NCOA3: variants seen among roughly 807,000 people sequenced by gnomAD.
The protein encoded by NCOA3 is nuclear receptor coactivator 3.
NCOA3 carries 51 observed loss-of-function variants against 158.8 expected under a neutral mutation model. The ratio of observed to expected loss-of-function variants is 0.32; its 90% CI spans 0.26 to 0.41. NCOA3 has a LOEUF of 0.41. Among genes scored for constraint, NCOA3 ranks in the 10% least tolerant of loss-of-function variants. The probability of loss-of-function intolerance (pLI) is 1.00; values close to 1 mark genes in which losing one functional copy is unlikely to be tolerated. For missense variants in NCOA3, 1,510 were observed against 1,746.6 expected (o/e 0.86, Z 2.41); for synonymous variants, 537 against 592.4 (o/e 0.91, Z 1.36).
chr20:47,634,080 T>G lies in NCOA3; in HGVS notation c.997T>G (p.Tyr333Asp). The G allele has an allele frequency of 1.2e-6, 2 of 1,614,138 alleles. No individual in the cohort carries two copies. Among genetic ancestry groups the G allele is most frequent in the Non-Finnish European group, 8.5e-7 (1 of 1,180,002 alleles). ...TAATGGCCATGCAGAAACCCCAGTATATCGATTCTCGTTGGCTGATGGAAC... is the reference window on the plus strand; with the variant it reads ...TAATGGCCATGCAGAAACCCCAGTAGATCGATTCTCGTTGGCTGATGGAAC... ...YLNGHAETPV[Y>D]RFSLADGTIV... The change falls in exon 10 of 23, where the codon TAT becomes GAT. Residue 333 changes from tyrosine to aspartate, a missense_variant. Physicochemically the swap from Tyr to Asp is radical, Grantham distance 160. This residue lies in a region of NCOA3 where 309 missense variants were observed against 427.1 expected (regional missense o/e 0.72). Transcript: ENST00000371998.
intron 1 of NCOA3, among the ~76,000 whole-genome samples, chr20:47,525,602 C>T (rs1342421176): frequency 1.8e-4 from 25 of 136,558 alleles, no homozygotes; most frequent in Admixed American, 9.7e-4. Context: ...GGCGGCTGGC[C>T]GGGCGGGGGG....
chr20:47,588,841 C>A (rs550325137), intron 2 of NCOA3, among the ~76,000 whole-genome samples: 5 of 152,188 alleles, frequency 3.3e-5, no homozygotes, highest in African/African-American at 1.2e-4. Context: ...AGAGATCTTT[C>A]CCATTCATTT....
intron 4 of NCOA3, 63 bp downstream of exon 4, chr20:47,624,146 C>CTG: frequency 6.8e-7 from 1 of 1,476,428 alleles, no homozygotes; most frequent in East Asian, 2.3e-5. Context: ...GCACCAGGGA[C>CTG]TGGTTTTGTG....
chr20:47,521,083 CAG>C (rs1047576669), intron 1 of NCOA3, among the ~76,000 whole-genome samples: 5 of 152,226 alleles, frequency 3.3e-5, no homozygotes, highest in African/African-American at 1.2e-4. Context: ...GGTGTGTGCA[CAG>C]AGTCGTCGCC....
chr20:47,616,408 G>C (rs1361017809), intron 2 of NCOA3, among the ~76,000 whole-genome samples: 4 of 151,758 alleles, frequency 2.6e-5, no homozygotes, highest in Non-Finnish European at 4.4e-5. Flanking sequence ...GGTCAGGCTG[G>C]TCTCGAACTC....
In NCOA3 at chr20:47,542,977, T is replaced by G. The variant is rs184174634; in HGVS notation, c.-98-40206T>G. On this transcript the variant is annotated intron_variant, in intron 1 of 22. Transcript: ENST00000371998. The stretch of plus-strand genomic sequence containing the variant: ...GACTCTGTTTCAAAACAAAGCAAAA[T>G]AAACCTCCCAAACTCCTTAGTATTT... Among the ~76,000 whole-genome samples the G allele has an allele frequency of 6.3e-3, 964 of 152,112 alleles. 6 individuals are homozygous for G. Among genetic ancestry groups the G allele is most frequent in the Admixed American group, 0.011 (166 of 15,250 alleles).
At position 47,626,993 on chromosome 20, in the gene NCOA3, C is replaced by T. The variant is rs1242532440; in HGVS notation, c.358-9C>T. ...CCATAACAGCCTGTATTAACATATC[C>T]TATTTTAGGCATTGGATGGTTTCCT... On this transcript the variant is annotated splice_polypyrimidine_tract_variant and intron_variant, in intron 5 of 22. Coordinates refer to ENST00000371998, the MANE Select transcript of NCOA3 (RefSeq NM_181659.3). The T allele has an allele frequency of 6.2e-6, 10 of 1,606,696 alleles. No homozygotes were observed. The highest frequency in any genetic ancestry group is 6.8e-6 in the Non-Finnish European group (8 of 1,176,208).
intron 1 of NCOA3, among the ~76,000 whole-genome samples, chr20:47,553,851 A>G (rs997958196): frequency 3.3e-5 from 5 of 152,150 alleles, no homozygotes; most frequent in East Asian, 1.9e-4. Flanking sequence ...TAGTGCCGCA[A>G]TAAACATATG....
chr20:47,573,230 C>G (rs969784884), intron 1 of NCOA3, among the ~76,000 whole-genome samples: 12 of 152,170 alleles, frequency 7.9e-5, no homozygotes, highest in Admixed American at 6.5e-4. Context: ...GAAACCCTGT[C>G]TCTACTACAA....
chr20:47,651,116 G>GCAGCAGCAGCAGCAGCAA lies in NCOA3; in HGVS notation c.3791_3792insGCAGCAGCAGCAACAGCA (p.Gln1271_Gln1276dup). On this transcript the variant is annotated inframe_insertion, in exon 20 of 23. Transcript: ENST00000371998. Reference sequence around the variant, plus strand: ...AACAGCAGCAGCAGCAGCAGCAGCAGCAGCAACAGCAACAGCAACAGCAAC... The same window carrying GCAGCAGCAGCAGCAGCAA: ...AACAGCAGCAGCAGCAGCAGCAGCAGCAGCAGCAGCAGCAGCAACAGCAACAGCAACAGCAACAGCAAC... 6.8e-7 allele frequency: 1 copy of GCAGCAGCAGCAGCAGCAA among 1,460,414 alleles called. No homozygotes were observed. Among genetic ancestry groups the GCAGCAGCAGCAGCAGCAA allele is most frequent in the African/African-American group, 1.5e-5 (1 of 66,510 alleles). 90.5% of individuals were successfully genotyped at this position (1,460,414 alleles called of 1,614,324 possible).
In NCOA3 at chr20:47,650,996, T is replaced by C. The variant is rs918765274; in HGVS notation, c.3666T>C (p.Asn1222=). 1.2e-6 allele frequency: 2 copies of C among 1,613,822 alleles called. No homozygotes were observed. Among genetic ancestry groups the C allele is most frequent in the East Asian group, 2.2e-5 (1 of 44,882 alleles). ...PQVSSQQGFL[N]AQMVAQRSRE... ...TTGGGTATTAGCAGGGTTTTCTTAATGCTCAAATGGTCGCCCAACGCAGCA... is the reference window on the plus strand; with the variant it reads ...TTGGGTATTAGCAGGGTTTTCTTAACGCTCAAATGGTCGCCCAACGCAGCA... The change falls in exon 20 of 23, where the codon AAT becomes AAC. Residue 1222 remains asparagine, a synonymous_variant. Transcript: ENST00000371998.
At chr20:47,541,816 TTC>T (rs2084742923) in intron 1 of NCOA3, among the ~76,000 whole-genome samples, 1 of 151,972 alleles carries the variant, frequency 6.6e-6, no homozygotes. Flanking sequence ...CTGCATTAAT[TTC>T]TTAGTAGCAT....
chr20:47,514,417 G>C (rs564442475), intron 1 of NCOA3, among the ~76,000 whole-genome samples: 119 of 151,366 alleles, frequency 7.9e-4, no homozygotes, highest in Non-Finnish European at 1.3e-3. Flanking sequence ...TTTTTGAGAC[G>C]GTCTCTGTTG....
At chr20:47,621,393 C>T (rs6066416) in intron 2 of NCOA3, among the ~76,000 whole-genome samples, 11,072 of 151,856 alleles carry the variant, frequency 0.073, 470 homozygotes, top group Non-Finnish European at 0.097. Flanking sequence ...CTCCAGCATA[C>T]GTCTCAGAGT....
At chr20:47,632,828 G>A (rs953699005) in intron 8 of NCOA3, among the ~76,000 whole-genome samples, 16 of 150,252 alleles carry the variant, frequency 1.1e-4, no homozygotes, top group African/African-American at 3.9e-4. Context: ...GACTACAGGC[G>A]CACACTCCCA....
At chr20:47,645,130 A>T (rs1354913455) in intron 17 of NCOA3, among the ~76,000 whole-genome samples, 1 of 152,064 alleles carries the variant, frequency 6.6e-6, no homozygotes, top group African/African-American at 2.4e-5. Flanking sequence ...TAAATTATAA[A>T]ATATAAAATT....
intron 2 of NCOA3, among the ~76,000 whole-genome samples, chr20:47,608,271 A>G (rs1418130239): frequency 1.3e-5 from 2 of 152,090 alleles, no homozygotes; most frequent in Admixed American, 1.3e-4. Context: ...AGATTGCGGC[A>G]TTGCACTCCA....
intron 2 of NCOA3, among the ~76,000 whole-genome samples, chr20:47,612,284 T>TA (rs1478845971): frequency 2.0e-5 from 3 of 151,980 alleles, no homozygotes; most frequent in Admixed American, 2.0e-4. Context: ...TTGTAAAAAA[T>TA]AGAGTTACAT....
intron 1 of NCOA3, among the ~76,000 whole-genome samples, chr20:47,556,711 A>G (rs570839226): frequency 1.3e-5 from 2 of 152,140 alleles, no homozygotes; most frequent in South Asian, 2.1e-4. Context: ...TTTAATAGAG[A>G]TGGGGTTTCA....
Sources: allele counts gnomAD v4.1 joint callset (sites outside exome capture counted in the v4.1 genomes callset), GRCh38; gene constraint gnomAD v4.1.1; regional missense constraint gnomAD v4.1.1; transcripts MANE v1.5; gene names NCBI Gene and HGNC (gene_info 2026-07-23, HGNC 2026-07-21).